NDUFA8: variants seen among roughly 807,000 people sequenced by gnomAD.
NDUFA8 encodes the protein NADH:ubiquinone oxidoreductase subunit A8.
NDUFA8 carries 16 observed loss-of-function variants against 20.9 expected under a neutral mutation model. The observed-to-expected ratio is 0.77, with a 90% confidence interval of 0.52 to 1.16. The LOEUF (loss-of-function observed/expected upper bound fraction) is 1.16. Among genes scored for constraint, NDUFA8 ranks in the 50% most tolerant of loss-of-function variants. NDUFA8 has a pLI of 0.00. For synonymous variants in NDUFA8, 70 were observed against 76.1 expected (o/e 0.92, Z 0.41); for missense variants, 202 against 216.4 (o/e 0.93, Z 0.42).
At chr9:122,136,222 G>A in the NDUFA8 span, among the ~76,000 whole-genome samples, 6 of 151,984 alleles carry the variant, frequency 3.9e-5, no homozygotes, top group African/African-American at 1.5e-4. Context: ...ACAGCTTAAC[G>A]TACTTGAATC....
intron 1 of NDUFA8, among the ~76,000 whole-genome samples, chr9:122,152,637 C>T (rs1829022007): frequency 1.3e-5 from 2 of 150,838 alleles, no homozygotes. Context: ...CTTACTGCAA[C>T]TTCGGCCTCC....
downstream of NDUFA8, among the ~76,000 whole-genome samples, chr9:122,141,994 G>A (rs893009360): frequency 6.6e-6 from 1 of 152,134 alleles, no homozygotes; most frequent in Non-Finnish European, 1.5e-5. Context: ...TTCAAGACGC[G>A]TTGCTCTGGT....
downstream of NDUFA8, chr9:122,144,004 G>C (rs935588645): frequency 2.4e-6 from 3 of 1,274,770 alleles, no homozygotes; most frequent in African/African-American, 3.0e-5. Flanking sequence ...AAAAGCAAGG[G>C]GAAGTCATCT....
downstream of NDUFA8, among the ~76,000 whole-genome samples, chr9:122,141,956 C>G (rs1464251422): frequency 6.6e-6 from 1 of 152,124 alleles, no homozygotes; most frequent in Non-Finnish European, 1.5e-5. Flanking sequence ...AAGTTACATC[C>G]TAGAATTGAA....
chr9:122,157,975 A>C (rs1173486604), intron 1 of NDUFA8, among the ~76,000 whole-genome samples: 3 of 152,138 alleles, frequency 2.0e-5, no homozygotes, highest in Non-Finnish European at 4.4e-5. Context: ...AACACGGTGA[A>C]ACCCCGTCTC....
chr9:122,154,095 T>C (rs921647262), intron 1 of NDUFA8, among the ~76,000 whole-genome samples: 6 of 152,220 alleles, frequency 3.9e-5, no homozygotes, highest in African/African-American at 1.4e-4. Flanking sequence ...GGTCTGTGTG[T>C]GACTAGAACA....
At position 122,159,618 on chromosome 9, in the gene NDUFA8, T is replaced by G; in HGVS notation, c.51+9A>C. 6.2e-7 allele frequency: 1 copy of G among 1,614,106 alleles called. No homozygotes were observed. The highest frequency in any genetic ancestry group is 1.3e-5 in the African/African-American group (1 of 75,042). On this transcript the variant is annotated intron_variant, in intron 1 of 3. Transcript: ENST00000373768. ...ATGTCTCCCTTGCCTGTCCTCCGGA[T>G]AGCCTCACCTCATCTACTTTCAGCT...
At chr9:122,144,431 CTG>C in intron 3 of NDUFA8, 53 bp from the exon 4 acceptor site, 1 of 1,559,922 alleles carries the variant, frequency 6.4e-7, no homozygotes. Flanking sequence ...GTGGAGGAAT[CTG>C]TAACCATCAA....
At chr9:122,155,291 C>G (rs981443843) in intron 1 of NDUFA8, among the ~76,000 whole-genome samples, 1 of 152,194 alleles carries the variant, frequency 6.6e-6, no homozygotes, top group South Asian at 2.1e-4. Flanking sequence ...GTTGGTCAGG[C>G]TGGTCTCAAA....
chr9:122,145,506 C>G (rs1828892723), intron 3 of NDUFA8, among the ~76,000 whole-genome samples: 1 of 152,242 alleles, frequency 6.6e-6, no homozygotes, highest in African/African-American at 2.4e-5. Flanking sequence ...GGGCTGAACT[C>G]TTAAGTCACC....
rs373153643 is a variant in NDUFA8, at chr9:122,152,303, G to A, written c.157C>T (p.Pro53Ser). 6.2e-7 allele frequency: 1 copy of A among 1,614,150 alleles called. No homozygotes were observed. The highest frequency in any genetic ancestry group is 8.5e-7 in the Non-Finnish European group (1 of 1,180,036). The change falls in exon 2 of 4, where the codon CCG (proline) becomes TCG (serine). Residue 53 changes from proline (P) to serine (S), a missense_variant. By Grantham distance (74) the Pro-to-Ser change is moderately conservative. Transcript: ENST00000373768. ...FMLCRWEEKD[P>S]RRCLEEGKLV... ...TTGCCTTCCTCTAAACACCGCCTCG[G>A]ATCTTTCTCTTCCCAGCGGCAGAGC...
intron 3 of NDUFA8, among the ~76,000 whole-genome samples, chr9:122,145,937 G>A (rs759639738): frequency 1.2e-4 from 18 of 152,066 alleles, no homozygotes; most frequent in Non-Finnish European, 2.5e-4. Flanking sequence ...ATCACTTGAG[G>A]TCAGAGTTCA....
intron 1 of NDUFA8, among the ~76,000 whole-genome samples, chr9:122,156,432 A>T (rs998832945): frequency 6.6e-6 from 1 of 152,214 alleles, no homozygotes; most frequent in Non-Finnish European, 1.5e-5. Flanking sequence ...ATTTATGTAA[A>T]ACAGAGAATA....
chr9:122,133,593 C>T, the NDUFA8 span, among the ~76,000 whole-genome samples: 34 of 152,110 alleles, frequency 2.2e-4, no homozygotes, highest in African/African-American at 8.0e-4. Context: ...TCAGGGGATG[C>T]GTTCTATGGC....
intron 2 of NDUFA8, among the ~76,000 whole-genome samples, chr9:122,150,910 T>C (rs1828985014): frequency 2.9e-5 from 4 of 136,206 alleles, no homozygotes; most frequent in Non-Finnish European, 4.6e-5. Flanking sequence ...AGGCAGAGGT[T>C]GCAGTGAGCC....
intron 1 of NDUFA8, among the ~76,000 whole-genome samples, chr9:122,158,784 T>C (rs1436683025): frequency 6.9e-6 from 1 of 145,714 alleles, no homozygotes; most frequent in African/African-American, 2.8e-5. Context: ...CAATTGTGTG[T>C]GTGTATATAT....
At chr9:122,151,856 T>C (rs1829004496) in intron 2 of NDUFA8, among the ~76,000 whole-genome samples, 1 of 152,254 alleles carries the variant, frequency 6.6e-6, no homozygotes, top group Admixed American at 6.5e-5. Flanking sequence ...TTTCTTTCCA[T>C]CATACCTGTG....
At chr9:122,133,058 C>G in the NDUFA8 span, 6 of 455,814 alleles carry the variant, frequency 1.3e-5, no homozygotes, top group Middle Eastern at 1.3e-3. Context: ...CACAACCACT[C>G]TGCAAAGTAG....
At chr9:122,140,248 TCTTA>T (rs1047146182), downstream of NDUFA8, among the ~76,000 whole-genome samples, 4 of 152,310 alleles carry the variant, frequency 2.6e-5, no homozygotes, top group Middle Eastern at 3.4e-3. Context: ...AATTTCAATA[TCTTA>T]CTTAAATTAC....
Sources: allele counts gnomAD v4.1 joint callset (sites outside exome capture counted in the v4.1 genomes callset), GRCh38; gene constraint gnomAD v4.1.1; transcripts MANE v1.5; gene names NCBI Gene and HGNC (gene_info 2026-07-23, HGNC 2026-07-21).